The following NBAS variants were observed in gnomAD, a reference collection of about 807,000 sequenced individuals.
The protein encoded by NBAS is NAG/BC035112 fusion.
In NBAS, 219 loss-of-function variants were observed where a neutral mutation model predicts 302.5. The ratio of observed to expected loss-of-function variants is 0.72; its 90% confidence interval spans 0.65 to 0.81. The LOEUF is 0.81. NBAS is among the 30% of genes least tolerant of loss of function. The probability of loss-of-function intolerance (pLI) is 0.00; values close to 1 mark genes in which losing one functional copy is unlikely to be tolerated. For missense variants in NBAS, 2,932 were observed against 2,841.6 expected, an observed-to-expected ratio of 1.03 and a Z score of -0.72; for synonymous variants, 1,118 against 1,021.6, an observed-to-expected ratio of 1.09 and a Z score of -1.80.
chr2:14,991,327 G>T, the NBAS span, among the ~76,000 whole-genome samples: 1 of 152,020 alleles, frequency 6.6e-6, no homozygotes, highest in Non-Finnish European at 1.5e-5. Context: ...GGATCATCTT[G>T]CTGAGCCTGC....
chr2:14,952,487 G>A, the NBAS span, among the ~76,000 whole-genome samples: 1 of 152,212 alleles, frequency 6.6e-6, no homozygotes, highest in African/African-American at 2.4e-5. Context: ...CTTGAGATGT[G>A]GTCAGAGAAA....
chr2:15,308,172 G>C (rs753945716), intron 40 of NBAS, 44 bp downstream of exon 40: 2 of 1,612,930 alleles, frequency 1.2e-6, no homozygotes, highest in African/African-American at 2.7e-5. Context: ...TTTAGAAAAG[G>C]CTTAACTCTG....
intron 10 of NBAS, among the ~76,000 whole-genome samples, chr2:15,509,858 C>CT (rs1491461231): frequency 7.1e-5 from 2 of 28,112 alleles, no homozygotes; most frequent in Non-Finnish European, 1.8e-4. Flanking sequence ...TGCTCACTTC[C>CT]TTTTTTTTTG....
the NBAS span, among the ~76,000 whole-genome samples, chr2:15,032,019 G>C: frequency 6.6e-6 from 1 of 152,224 alleles, no homozygotes; most frequent in Non-Finnish European, 1.5e-5. Flanking sequence ...GCTGGCTAGC[G>C]CCACAGTGCA....
chr2:14,807,329 AG>A, the NBAS span, among the ~76,000 whole-genome samples: 1 of 152,320 alleles, frequency 6.6e-6, no homozygotes, highest in Admixed American at 6.5e-5. Flanking sequence ...TCTCTTGTAA[AG>A]CTATTTTCAT....
At position 15,176,935 on chromosome 2, in the gene NBAS, G is replaced by A. The variant is rs945589285; in HGVS notation, c.6840+2053C>T. ...AAATGTTTTTAAAATGGAAAACTCTGTAAAACCTTAGCCTCTGGGGACTGC... is the reference window on the plus strand; with the variant it reads ...AAATGTTTTTAAAATGGAAAACTCTATAAAACCTTAGCCTCTGGGGACTGC... On this transcript the variant is annotated intron_variant, in intron 51 of 51. Coordinates refer to ENST00000281513, the MANE Select transcript of NBAS (RefSeq NM_015909.4). 3.9e-5 allele frequency among the ~76,000 whole-genome samples: 6 copies of A among 152,334 alleles called. No homozygotes were observed. In the East Asian group the frequency reaches 7.7e-4, roughly 20 times the overall value.
chr2:15,276,189 G>A (rs1669575445), intron 43 of NBAS, among the ~76,000 whole-genome samples: 1 of 152,160 alleles, frequency 6.6e-6, no homozygotes, highest in African/African-American at 2.4e-5. Flanking sequence ...CATTTCACTA[G>A]TTACTTGAAG....
In NBAS at chr2:15,427,570, G is replaced by A. The variant is rs143316310; in HGVS notation, c.2423+141C>T. 7.9e-4 allele frequency: 548 copies of A among 690,568 alleles called. 1 individual carries two copies. The African/African-American group carries it at 8.2e-3, about 10-fold the overall frequency. The allele number at this position is 690,568 out of a possible 1,614,324, so 42.8% of individuals were successfully genotyped here. ...AAATTTTAACATAACTGAGTCAAAG[G>A]AGTTTAAAACTTCACTCAAACTTTC... On this transcript the variant is annotated intron_variant, in intron 22 of 51. Coordinates refer to ENST00000281513, the MANE Select transcript of NBAS (RefSeq NM_015909.4).
chr2:15,240,667 T>C (rs1255639634), intron 44 of NBAS, among the ~76,000 whole-genome samples: 1 of 152,048 alleles, frequency 6.6e-6, no homozygotes, highest in East Asian at 1.9e-4. Flanking sequence ...TAATCCTATA[T>C]AAATATTGAT....
chr2:15,279,926 T>A (rs1669751284), intron 42 of NBAS, among the ~76,000 whole-genome samples: 1 of 152,178 alleles, frequency 6.6e-6, no homozygotes, highest in Non-Finnish European at 1.5e-5. Context: ...GAACCCATAT[T>A]CAAGAGAGTA....
chr2:15,380,306 T>C (rs1417541815), intron 29 of NBAS, among the ~76,000 whole-genome samples: 1 of 152,174 alleles, frequency 6.6e-6, no homozygotes, highest in Non-Finnish European at 1.5e-5. Context: ...TCTCAAACTC[T>C]TGGGCTCAAG....
chr2:14,839,492 G>T, the NBAS span, among the ~76,000 whole-genome samples: 1 of 152,044 alleles, frequency 6.6e-6, no homozygotes, highest in Non-Finnish European at 1.5e-5. Flanking sequence ...TCCAGCCTTG[G>T]AAACTTTACC....
intron 51 of NBAS, among the ~76,000 whole-genome samples, chr2:15,171,020 T>C (rs146856768): frequency 1.3e-5 from 2 of 152,350 alleles, no homozygotes; most frequent in East Asian, 3.9e-4. Flanking sequence ...CTTTGTTTTT[T>C]CTTGTTTTTG....
the NBAS span, among the ~76,000 whole-genome samples, chr2:14,978,414 A>G: frequency 1.3e-5 from 2 of 152,224 alleles, no homozygotes; most frequent in African/African-American, 2.4e-5. Flanking sequence ...AGCTTAGAAC[A>G]TATAATGATT....
At chr2:15,036,700 G>C in the NBAS span, among the ~76,000 whole-genome samples, 1 of 152,164 alleles carries the variant, frequency 6.6e-6, no homozygotes, top group Non-Finnish European at 1.5e-5. Flanking sequence ...CTTACAGCTT[G>C]GCCAAGCTTT....
At chr2:15,543,253 G>A (rs931916966) in intron 6 of NBAS, among the ~76,000 whole-genome samples, 6 of 152,106 alleles carry the variant, frequency 3.9e-5, no homozygotes, top group African/African-American at 1.4e-4. Flanking sequence ...CACAGCTTTT[G>A]TGGATGCTAT....
At chr2:15,034,020 A>G in the NBAS span, among the ~76,000 whole-genome samples, 2,000 of 41,898 alleles carry the variant, frequency 0.048, 159 homozygotes, top group East Asian at 0.28. Flanking sequence ...AAGAAGAAGA[A>G]GAAGAAGAGG....
chr2:15,500,369 A>G (rs1243678204), intron 11 of NBAS, among the ~76,000 whole-genome samples: 2 of 152,094 alleles, frequency 1.3e-5, no homozygotes, highest in African/African-American at 2.4e-5. Flanking sequence ...ATTGAATATT[A>G]TATATTCAAT....
intron 1 of NBAS, among the ~76,000 whole-genome samples, chr2:15,559,257 C>T (rs1664796263): frequency 6.6e-6 from 1 of 152,042 alleles, no homozygotes; most frequent in African/African-American, 2.4e-5. Flanking sequence ...TACTGGTTGC[C>T]AGTTCAGCAT....
Sources: allele counts gnomAD v4.1 joint callset (sites outside exome capture counted in the v4.1 genomes callset), GRCh38; gene constraint gnomAD v4.1.1; transcripts MANE v1.5; gene names NCBI Gene and HGNC (gene_info 2026-07-23, HGNC 2026-07-21).